SOS1: variants seen among roughly 807,000 people sequenced by gnomAD.
The protein encoded by SOS1 is son of sevenless homolog 1.
A neutral mutation model predicts 157.6 loss-of-function variants in SOS1; 25 were observed. The ratio of observed to expected loss-of-function variants is 0.16; its 90% CI spans 0.12 to 0.22. The LOEUF (loss-of-function observed/expected upper bound fraction) is 0.22. SOS1 is among the 10% of genes least tolerant of loss of function. The pLI is 1.00. For missense variants in SOS1, 1,237 were observed against 1,599.1 expected (o/e 0.77, Z 3.86); for synonymous variants, 528 against 534.0 (o/e 0.99, Z 0.16).
At position 38,986,186 on chromosome 2, in the gene SOS1, A is replaced by G. The variant is rs1480877655; in HGVS notation, c.3640T>C (p.Leu1214=). 2 of 1,613,892 alleles carry G rather than the reference A, an allele frequency of 1.2e-6. No individual in the cohort carries two copies. ...GTCCTCACAGGTTCTCGTGGTGGTAATAAGGGAGGGCTTTCAGGAGGGTCT... is the reference window on the plus strand; with the variant it reads ...GTCCTCACAGGTTCTCGTGGTGGTAGTAAGGGAGGGCTTTCAGGAGGGTCT... The part of the protein sequence containing the change: ...ISDPPESPPL[L]PPREPVRTPD... Residue 1214 remains leucine (L), a synonymous_variant, in exon 23 of 23, where the codon TTA becomes CTA. Transcript: ENST00000402219.
intron 4 of SOS1, among the ~76,000 whole-genome samples, chr2:39,055,767 C>T (rs1202890756): frequency 6.6e-6 from 1 of 152,200 alleles, no homozygotes; most frequent in Non-Finnish European, 1.5e-5. Context: ...ATAAAGTGAA[C>T]ATCCTTAGGT....
intron 1 of SOS1, among the ~76,000 whole-genome samples, chr2:39,079,297 G>A: frequency 6.6e-6 from 1 of 151,810 alleles, no homozygotes; most frequent in East Asian, 1.9e-4. Flanking sequence ...GAAACAATAC[G>A]ATCCATTTAT....
At chr2:39,115,407 T>TC (rs1491533019) in intron 1 of SOS1, among the ~76,000 whole-genome samples, 55 of 65,100 alleles carry the variant, frequency 8.4e-4, no homozygotes, top group African/African-American at 2.4e-3. Context: ...GTTCTCTCTC[T>TC]TTTTTTTTTT....
chr2:39,096,539 T>C (rs141288463), intron 1 of SOS1, among the ~76,000 whole-genome samples: 9 of 152,350 alleles, frequency 5.9e-5, no homozygotes, highest in African/African-American at 2.2e-4. Flanking sequence ...CTTAAGCTTA[T>C]TTATTACCTA....
At chr2:39,013,333 T>C (rs1051539223) in intron 13 of SOS1, 127 bp downstream of exon 13, 2 of 696,550 alleles carry the variant, frequency 2.9e-6, no homozygotes, top group Non-Finnish European at 5.1e-6. Flanking sequence ...TTTTAACTTT[T>C]TGAAATGGTT....
At chr2:39,032,138 G>A (rs537396075) in intron 8 of SOS1, among the ~76,000 whole-genome samples, 1 of 151,954 alleles carries the variant, frequency 6.6e-6, no homozygotes, top group South Asian at 2.1e-4. Flanking sequence ...TTTTTTTCGT[G>A]GTGAGAACAC....
chr2:39,002,643 C>T (rs897959944), intron 17 of SOS1, among the ~76,000 whole-genome samples: 11 of 152,108 alleles, frequency 7.2e-5, no homozygotes, highest in Non-Finnish European at 1.2e-4. Context: ...AATGACATAC[C>T]GTCAGATATA....
chr2:39,072,153 G>A (rs1671814614), intron 1 of SOS1, among the ~76,000 whole-genome samples: 3 of 152,020 alleles, frequency 2.0e-5, no homozygotes, highest in African/African-American at 7.2e-5. Context: ...CTCTTACTGG[G>A]TTAATCCCTA....
chr2:39,121,913 T>C (rs1673906008), upstream of SOS1, among the ~76,000 whole-genome samples: 1 of 152,240 alleles, frequency 6.6e-6, no homozygotes, highest in African/African-American at 2.4e-5. Flanking sequence ...ATCATTTTTT[T>C]GAGTATCATC....
intron 17 of SOS1, among the ~76,000 whole-genome samples, chr2:39,003,047 A>G (rs1263611471): frequency 4.5e-5 from 6 of 132,606 alleles, no homozygotes; most frequent in Non-Finnish European, 9.3e-5. Flanking sequence ...AGCCTGGGTG[A>G]TAAAGTGAGA....
chr2:39,006,204 T>C (rs550449369), intron 17 of SOS1, among the ~76,000 whole-genome samples: 2 of 152,284 alleles, frequency 1.3e-5, no homozygotes, highest in East Asian at 3.9e-4. Context: ...ATCTAATGGC[T>C]GCCTAAGATG....
intron 1 of SOS1, among the ~76,000 whole-genome samples, chr2:39,090,548 T>G (rs1487015419): frequency 6.6e-6 from 1 of 151,774 alleles, no homozygotes; most frequent in Non-Finnish European, 1.5e-5. Flanking sequence ...ATACAAAAAT[T>G]AGCCAGGCAT....
In SOS1 at chr2:38,984,443, A is replaced by G. The variant is rs1405419409; in HGVS notation, c.*1381T>C. On this transcript the variant is annotated 3_prime_UTR_variant, in exon 23 of 23. Transcript: ENST00000402219. ...AGCAGAAAACCTCAAGCAAGGTAGAATGTTCAATATAAACCTTAACAAACT... is the reference window on the plus strand; with the variant it reads ...AGCAGAAAACCTCAAGCAAGGTAGAGTGTTCAATATAAACCTTAACAAACT... The G allele has an allele frequency of 6.6e-6, 1 of 152,180 alleles. No individual in the cohort carries two copies. Among genetic ancestry groups the G allele is most frequent in the Admixed American group, 6.5e-5 (1 of 15,270 alleles). The allele number at this position is 152,180 out of a possible 1,614,324, so 9.4% of individuals were successfully genotyped here. A position where few individuals can be genotyped will look rare whatever the true frequency, so the allele number is the denominator to read the frequency against.
At chr2:39,019,895 A>T (rs562642009) in intron 10 of SOS1, among the ~76,000 whole-genome samples, 11 of 151,694 alleles carry the variant, frequency 7.3e-5, no homozygotes, top group African/African-American at 2.7e-4. Flanking sequence ...GAAATGAACA[A>T]GCCATTTATA....
intron 2 of SOS1, among the ~76,000 whole-genome samples, chr2:39,067,134 C>T (rs1671614417): frequency 6.6e-6 from 1 of 152,138 alleles, no homozygotes; most frequent in Non-Finnish European, 1.5e-5. Flanking sequence ...ACTCAGCGTC[C>T]TGAGTAGCTG....
At chr2:39,053,990 C>T (rs1388407690) in intron 5 of SOS1, among the ~76,000 whole-genome samples, 3 of 151,706 alleles carry the variant, frequency 2.0e-5, no homozygotes, top group Non-Finnish European at 4.4e-5. Flanking sequence ...TGCAGTGGCG[C>T]GATCTCGGCT....
intron 19 of SOS1, among the ~76,000 whole-genome samples, 176 bp from the exon 20 acceptor site, chr2:38,995,563 A>C (rs1269481834): frequency 6.6e-6 from 1 of 152,182 alleles, no homozygotes; most frequent in Non-Finnish European, 1.5e-5. Flanking sequence ...TATTTTGCTA[A>C]AGCCCTGGTA....
intron 8 of SOS1, among the ~76,000 whole-genome samples, chr2:39,026,800 C>A (rs1214635302): frequency 6.6e-6 from 1 of 152,142 alleles, no homozygotes; most frequent in South Asian, 2.1e-4. Flanking sequence ...CTGGGCCAAA[C>A]TGGAAGAATT....
In SOS1 at chr2:38,984,511, C is replaced by G. The variant is rs1053626227; in HGVS notation, c.*1313G>C. 2.0e-5 allele frequency: 3 copies of G among 152,102 alleles called. No individual in the cohort carries two copies. Among genetic ancestry groups the G allele is most frequent in the African/African-American group, 7.2e-5 (3 of 41,422 alleles). The allele number at this position is 152,102 out of a possible 1,614,324, so 9.4% of individuals were successfully genotyped here. A position where few individuals can be genotyped will look rare whatever the true frequency, so the allele number is the denominator to read the frequency against. ...GAACTTAAAACTTACTTACAAAGTT[C>G]TGCTTAAAAGATACCCATCCTATTC... is the stretch of plus-strand genomic sequence containing the variant. On this transcript the variant is annotated 3_prime_UTR_variant, in exon 23 of 23. Transcript: ENST00000402219.
Sources: allele counts gnomAD v4.1 joint callset (sites outside exome capture counted in the v4.1 genomes callset), GRCh38; gene constraint gnomAD v4.1.1; transcripts MANE v1.5; gene names NCBI Gene and HGNC (gene_info 2026-07-23, HGNC 2026-07-21).